IQCM: variants seen among roughly 807,000 people sequenced by gnomAD.
The protein encoded by IQCM is IQ motif containing M, also known as IQ domain-containing protein M.
Under a neutral mutation model 57.6 loss-of-function variants are expected in IQCM, and 45 were observed. That is an observed-to-expected ratio of 0.78 (90% confidence interval 0.62 to 1.00). The LOEUF (loss-of-function observed/expected upper bound fraction) is 1.00, where lower values mean the gene tolerates loss of function less well. Among genes scored for constraint, IQCM ranks in the 50% least tolerant of loss-of-function variants. The probability of loss-of-function intolerance (pLI) is 0.00; values close to 1 mark genes in which losing one functional copy is unlikely to be tolerated. For missense variants in IQCM, 468 were observed against 511.6 expected (o/e 0.91, Z 0.82); for synonymous variants, 148 against 158.9 (o/e 0.93, Z 0.51).
intron 12 of IQCM, among the ~76,000 whole-genome samples, chr4:149,526,253 A>G (rs988538709): frequency 6.6e-6 from 1 of 151,986 alleles, no homozygotes; most frequent in Non-Finnish European, 1.5e-5. Flanking sequence ...AACAAAGTAA[A>G]TTCTGACTAA....
At chr4:149,715,882 G>C (rs960814543) in intron 5 of IQCM, among the ~76,000 whole-genome samples, 5 of 152,140 alleles carry the variant, frequency 3.3e-5, no homozygotes, top group Non-Finnish European at 7.4e-5. Context: ...ACCAGTAGTG[G>C]GTGGCTCTTA....
chr4:149,451,323 A>T (rs1277179870), intron 12 of IQCM, among the ~76,000 whole-genome samples: 2 of 151,864 alleles, frequency 1.3e-5, no homozygotes, highest in African/African-American at 4.8e-5. Context: ...ATTTTAAAAT[A>T]ACTAAAAGTG....
At chr4:149,492,426 A>G (rs868721725) in intron 12 of IQCM, among the ~76,000 whole-genome samples, 25 of 152,244 alleles carry the variant, frequency 1.6e-4, no homozygotes, top group Middle Eastern at 6.8e-3. Context: ...TGACTGTTGG[A>G]CATTTCCAAC....
chr4:149,551,304 G>A (rs993813068), intron 11 of IQCM, among the ~76,000 whole-genome samples: 1 of 152,060 alleles, frequency 6.6e-6, no homozygotes, highest in African/African-American at 2.4e-5. Context: ...GACTTTTACT[G>A]AAAAAGCTTC....
intron 9 of IQCM, among the ~76,000 whole-genome samples, chr4:149,586,929 C>T (rs1487842635): frequency 2.0e-5 from 3 of 151,588 alleles, no homozygotes; most frequent in Non-Finnish European, 4.4e-5. Context: ...CAATTGAAAA[C>T]TATGCAAGCT....
chr4:149,361,895 G>A (rs975108328), intron 13 of IQCM, among the ~76,000 whole-genome samples: 10 of 152,228 alleles, frequency 6.6e-5, no homozygotes, highest in East Asian at 5.8e-4. Context: ...AGCTTGCACC[G>A]TGTGCCTGGA....
At chr4:149,505,327 T>G (rs1163960503) in intron 12 of IQCM, among the ~76,000 whole-genome samples, 1 of 152,210 alleles carries the variant, frequency 6.6e-6, no homozygotes, top group Admixed American at 6.5e-5. Context: ...TGAGTAGAGT[T>G]TCTTAAAGGT....
intron 13 of IQCM, among the ~76,000 whole-genome samples, chr4:149,401,359 T>C (rs1310584260): frequency 6.6e-6 from 1 of 151,854 alleles, no homozygotes; most frequent in East Asian, 1.9e-4. Flanking sequence ...TTTTAGTGGC[T>C]GACAGACTTT....
chr4:149,704,846 C>T (rs1208735233), intron 5 of IQCM, among the ~76,000 whole-genome samples: 7 of 151,976 alleles, frequency 4.6e-5, no homozygotes, highest in Admixed American at 3.9e-4. Context: ...GGATAGGCAA[C>T]TTCAGTCCAT....
intron 8 of IQCM, among the ~76,000 whole-genome samples, chr4:149,594,618 CT>C (rs1561036331): frequency 6.6e-6 from 1 of 152,186 alleles, no homozygotes; most frequent in African/African-American, 2.4e-5. Flanking sequence ...CCTCTACAAA[CT>C]GCTTTAAATG....
chr4:149,654,244 TG>T (rs1464485370), intron 7 of IQCM, among the ~76,000 whole-genome samples: 2 of 152,194 alleles, frequency 1.3e-5, no homozygotes, highest in Non-Finnish European at 2.9e-5. Context: ...CTGTATGATA[TG>T]GTTTGGATCT....
chr4:149,707,620 A>G (rs1246052492), intron 5 of IQCM, among the ~76,000 whole-genome samples: 2 of 151,994 alleles, frequency 1.3e-5, no homozygotes, highest in African/African-American at 2.4e-5. Flanking sequence ...ACACAAATCT[A>G]CTATGTATGC....
chr4:149,589,535 T>C (rs1370830983), intron 8 of IQCM, among the ~76,000 whole-genome samples: 2 of 151,972 alleles, frequency 1.3e-5, no homozygotes, highest in Non-Finnish European at 2.9e-5. Context: ...ATCACAAATC[T>C]CTTTTACTGA....
chr4:149,393,196 A>C (rs192109640), intron 13 of IQCM, among the ~76,000 whole-genome samples: 193 of 152,140 alleles, frequency 1.3e-3, no homozygotes, highest in African/African-American at 4.2e-3. Flanking sequence ...CGCATATATA[A>C]ATAAATAATA....
chr4:149,516,272 C>T (rs553882756), intron 12 of IQCM, among the ~76,000 whole-genome samples: 3 of 152,204 alleles, frequency 2.0e-5, no homozygotes, highest in Non-Finnish European at 2.9e-5. Flanking sequence ...GGAATAGACA[C>T]TTACTCTGGA....
chr4:149,528,256 G>T (rs1205551823), intron 12 of IQCM, among the ~76,000 whole-genome samples: 1 of 151,998 alleles, frequency 6.6e-6, no homozygotes, highest in Non-Finnish European at 1.5e-5. Flanking sequence ...AAAGTGCTGG[G>T]ATTACAGGCG....
intron 7 of IQCM, among the ~76,000 whole-genome samples, chr4:149,644,885 T>C (rs2150122168): frequency 6.6e-6 from 1 of 152,092 alleles, no homozygotes; most frequent in Non-Finnish European, 1.5e-5. Flanking sequence ...ACCTAAAGAG[T>C]GCAATCACTG....
intron 12 of IQCM, among the ~76,000 whole-genome samples, chr4:149,438,117 A>G (rs576773934): frequency 6.6e-6 from 1 of 152,226 alleles, no homozygotes; most frequent in South Asian, 2.1e-4. Flanking sequence ...ACTGAAGTCA[A>G]TTTTTAACAA....
chr4:149,478,732 A>T (rs928290554), intron 12 of IQCM, among the ~76,000 whole-genome samples: 1 of 152,172 alleles, frequency 6.6e-6, no homozygotes, highest in Non-Finnish European at 1.5e-5. Context: ...GATCCTGTAC[A>T]TGAGAATCTA....
Sources: allele counts gnomAD v4.1 joint callset (sites outside exome capture counted in the v4.1 genomes callset), GRCh38; gene constraint gnomAD v4.1.1; transcripts MANE v1.5; gene names NCBI Gene and HGNC (gene_info 2026-07-23, HGNC 2026-07-21).